The following DGKG variants were observed in gnomAD, a reference collection of about 807,000 sequenced individuals.
The protein encoded by DGKG is diacylglycerol kinase gamma.
DGKG carries 78 observed loss-of-function variants against 105.3 expected under a neutral mutation model. The ratio of observed to expected loss-of-function variants is 0.74; its 90% CI spans 0.62 to 0.89. The LOEUF (loss-of-function observed/expected upper bound fraction) is 0.89, where lower values mean the gene tolerates loss of function less well. Among genes scored for constraint, DGKG ranks in the 40% least tolerant of loss-of-function variants. The pLI is 0.00. For missense variants in DGKG, 958 were observed against 1,020.1 expected, an observed-to-expected ratio of 0.94 and a Z score of 0.83; for synonymous variants, 346 against 367.1, an observed-to-expected ratio of 0.94 and a Z score of 0.66.
intron 2 of DGKG, chr3:186,313,463 C>T (rs1393422057): frequency 1.0e-6 from 1 of 978,328 alleles, no homozygotes; most frequent in East Asian, 1.1e-4. Context: ...ATTGCTAGAA[C>T]ATTTTCTCAC....
chr3:186,179,710 C>T (rs776791089), intron 22 of DGKG, among the ~76,000 whole-genome samples: 4 of 152,300 alleles, frequency 2.6e-5, no homozygotes, highest in Non-Finnish European at 5.9e-5. Context: ...AGTCAGATCC[C>T]GCCAGATGCC....
At chr3:186,151,075 G>A (rs1211420416) in intron 24 of DGKG, among the ~76,000 whole-genome samples, 1 of 152,230 alleles carries the variant, frequency 6.6e-6, no homozygotes, top group Non-Finnish European at 1.5e-5. Context: ...CTTCTTTGCT[G>A]TGAACATTTA....
chr3:186,289,083 T>C (rs138350207), intron 5 of DGKG, among the ~76,000 whole-genome samples: 279 of 152,352 alleles, frequency 1.8e-3, no homozygotes, highest in Middle Eastern at 3.4e-3. Flanking sequence ...GATCCCATGC[T>C]GACCCCTTTA....
At chr3:186,202,331 A>G (rs1230717680) in intron 21 of DGKG, among the ~76,000 whole-genome samples, 2 of 152,240 alleles carry the variant, frequency 1.3e-5, no homozygotes, top group Non-Finnish European at 2.9e-5. Context: ...TCTTCTAGTG[A>G]AGACTAAGAT....
At position 186,148,456 on chromosome 3, in the gene DGKG, T is replaced by C. The variant is rs528497407; in HGVS notation, c.*1634A>G. On this transcript the variant is annotated 3_prime_UTR_variant, in exon 25 of 25. Coordinates refer to ENST00000265022, the MANE Select transcript of DGKG (RefSeq NM_001346.3). Reference sequence around the variant, plus strand: ...CAGAGAGAACCTCTGGGAAGCAGCATGAGGCGCTCGTTTTCTTGTGTGGGG... The same window carrying C: ...CAGAGAGAACCTCTGGGAAGCAGCACGAGGCGCTCGTTTTCTTGTGTGGGG... 5.1e-6 allele frequency: 5 copies of C among 985,444 alleles called. No homozygotes were observed. In the East Asian group the frequency reaches 5.7e-4, roughly 112 times the overall value. The allele number at this position is 985,444 out of a possible 1,614,324, so 61.0% of individuals were successfully genotyped here.
intron 17 of DGKG, 154 bp downstream of exon 17, chr3:186,257,700 A>T (rs923277147): frequency 4.0e-5 from 20 of 499,750 alleles, no homozygotes; most frequent in Non-Finnish European, 6.7e-5. Context: ...TTTTTTTTCC[A>T]CCCAAAGCAA....
intron 20 of DGKG, among the ~76,000 whole-genome samples, chr3:186,213,292 G>T (rs1370977340): frequency 3.3e-5 from 5 of 152,266 alleles, no homozygotes; most frequent in Non-Finnish European, 7.3e-5. Flanking sequence ...TACCTGGGAT[G>T]TCAGTCTCCT....
rs1024395852 is a variant in DGKG at position 186,235,057 on chromosome 3, A to G, written c.1826+7447T>C. On this transcript the variant is annotated intron_variant, in intron 20 of 24. Coordinates refer to ENST00000265022, the MANE Select transcript of DGKG (RefSeq NM_001346.3). ...CACCTGATGAAAAAAACATGAACCC[A>G]TATTTCATTCATTTTACTCTCTGCA... 2.6e-5 allele frequency among the ~76,000 whole-genome samples: 4 copies of G among 152,280 alleles called. No individual in the cohort carries two copies. In the Middle Eastern group the frequency reaches 0.01, roughly 388 times the overall value.
intron 5 of DGKG, among the ~76,000 whole-genome samples, chr3:186,295,339 A>G (rs559019236): frequency 3.9e-5 from 6 of 151,976 alleles, no homozygotes; most frequent in Non-Finnish European, 8.8e-5. Context: ...TGTTTCTACT[A>G]AAAATACCAA....
intron 20 of DGKG, among the ~76,000 whole-genome samples, chr3:186,223,332 G>C (rs1348420130): frequency 6.6e-6 from 1 of 151,916 alleles, no homozygotes; most frequent in Non-Finnish European, 1.5e-5. Flanking sequence ...GTAGCAGAGA[G>C]CACACACTGA....
In DGKG at chr3:186,280,157, T is replaced by C. The variant is rs543653740; in HGVS notation, c.670-184A>G. Among the ~76,000 whole-genome samples, 70 of 152,358 alleles carry C rather than the reference T, an allele frequency of 4.6e-4. No homozygotes were observed. In the South Asian group the frequency reaches 0.011, roughly 25 times the overall value. On this transcript the variant is annotated intron_variant, in intron 8 of 24. Coordinates refer to ENST00000265022, the MANE Select transcript of DGKG (RefSeq NM_001346.3). The stretch of plus-strand genomic sequence containing the variant: ...CAGGCTTCCAGGTCTGGCTCTGCCC[T>C]TGGGCCTTGGGCCAGTCACCCTGAC...
chr3:186,292,998 G>A (rs1723381279), intron 5 of DGKG, among the ~76,000 whole-genome samples: 1 of 152,022 alleles, frequency 6.6e-6, no homozygotes, highest in Non-Finnish European at 1.5e-5. Context: ...AAAATTCAGA[G>A]TAAAACTAGA....
chr3:186,321,821 C>T (rs1021885788), intron 1 of DGKG, among the ~76,000 whole-genome samples: 4 of 152,176 alleles, frequency 2.6e-5, no homozygotes, highest in African/African-American at 9.7e-5. Context: ...AGAAAACCTT[C>T]CATTAACCAG....
intron 21 of DGKG, among the ~76,000 whole-genome samples, chr3:186,200,331 G>A (rs568500781): frequency 6.6e-6 from 1 of 152,310 alleles, no homozygotes; most frequent in South Asian, 2.1e-4. Flanking sequence ...ATTGTGCACT[G>A]ATTTTGTTCC....
chr3:186,271,561 G>A (rs1307701134), intron 11 of DGKG, among the ~76,000 whole-genome samples: 1 of 152,104 alleles, frequency 6.6e-6, no homozygotes, highest in Non-Finnish European at 1.5e-5. Flanking sequence ...CACACTCAGA[G>A]CTATTAACCT....
At chr3:186,349,504 T>C (rs1015781104) in intron 1 of DGKG, among the ~76,000 whole-genome samples, 3 of 152,260 alleles carry the variant, frequency 2.0e-5, no homozygotes, top group Admixed American at 6.5e-5. Flanking sequence ...TAAATCTCTA[T>C]AAATATAACT....
chr3:186,312,185 C>A (rs1447960979), intron 2 of DGKG, among the ~76,000 whole-genome samples: 1 of 130,322 alleles, frequency 7.7e-6, no homozygotes, highest in Non-Finnish European at 1.6e-5. Context: ...AGCATTAGAC[C>A]ATTAAACTGT....
intron 11 of DGKG, among the ~76,000 whole-genome samples, 180 bp from the exon 12 acceptor site, chr3:186,269,097 C>T (rs1722196810): frequency 6.6e-6 from 1 of 152,222 alleles, no homozygotes; most frequent in Non-Finnish European, 1.5e-5. Context: ...TTCCTCCCTG[C>T]CTAACCGCCA....
At chr3:186,196,861 G>A (rs1464173222) in intron 21 of DGKG, among the ~76,000 whole-genome samples, 3 of 152,210 alleles carry the variant, frequency 2.0e-5, no homozygotes, top group Non-Finnish European at 4.4e-5. Flanking sequence ...GGTGGTGGTA[G>A]TGAGGGAACA....
Sources: gnomAD v4.1 joint callset for allele counts (sites outside exome capture counted in the v4.1 genomes callset) on GRCh38, gnomAD v4.1.1 for gene constraint, MANE v1.5 for transcripts, NCBI Gene and HGNC (gene_info 2026-07-23, HGNC 2026-07-21) for gene names.